The following ADH1B variants were observed in gnomAD, a reference collection of about 807,000 sequenced individuals.
ADH1B encodes alcohol dehydrogenase 1B (class I), beta polypeptide.
Under a neutral mutation model 34.6 loss-of-function variants are expected in ADH1B, and 29 were observed. That is an observed-to-expected ratio of 0.84 (90% confidence interval 0.62 to 1.14). The LOEUF (loss-of-function observed/expected upper bound fraction) is 1.14. ADH1B is among the 50% of genes most tolerant of loss of function. The pLI, the probability that ADH1B is intolerant of heterozygous loss-of-function variation, is 0.00. For synonymous variants in ADH1B, 170 were observed against 175.5 expected, an observed-to-expected ratio of 0.97 and a Z score of 0.25; for missense variants, 424 against 468.4, an observed-to-expected ratio of 0.91 and a Z score of 0.87.
chr4:99,305,592 T>TATATATATATAC lies in ADH1B; in HGVS notation c.*2247_*2248insGTATATATATAT, dbSNP rs1460098133. 3.9e-5 allele frequency: 4 copies of TATATATATATAC among 103,576 alleles called. No individual in the cohort carries two copies. Among genetic ancestry groups the TATATATATATAC allele is most frequent in the African/African-American group, 1.5e-4 (4 of 26,236 alleles). 6.4% of individuals were successfully genotyped at this position (103,576 alleles called of 1,614,324 possible). On this transcript the variant is annotated 3_prime_UTR_variant, in exon 9 of 9. Coordinates refer to ENST00000305046, the MANE Select transcript of ADH1B (RefSeq NM_000668.6). ...ATATATATATATATATATATATATA[T>TATATATATATAC]ATATATATATATATATACAATCACT...
intron 3 of ADH1B, chr4:99,316,601 G>A (rs553157916): frequency 9.6e-5 from 23 of 240,670 alleles, no homozygotes; most frequent in Non-Finnish European, 1.4e-4. Flanking sequence ...TTCTCCTGGA[G>A]GCTTTGCAAA....
Position 99,321,356 on chromosome 4 carries a change from C to A in ADH1B, c.-25G>T. On this transcript the variant is annotated 5_prime_UTR_variant, in exon 1 of 9. Coordinates refer to ENST00000305046, the MANE Select transcript of ADH1B (RefSeq NM_000668.6). The stretch of plus-strand genomic sequence containing the variant: ...TGTCGTTTCTGTCTTCTCTGCCCAC[C>A]AGCAGACTGTGAGTCTTTGTGGATT... 1 of 1,610,646 alleles carries A rather than the reference C, an allele frequency of 6.2e-7. No individual in the cohort carries two copies. Among genetic ancestry groups the A allele is most frequent in the Non-Finnish European group, 8.5e-7 (1 of 1,177,716 alleles).
chr4:99,315,815 T>G, intron 5 of ADH1B, 83 bp downstream of exon 5: 1 of 1,554,976 alleles, frequency 6.4e-7, no homozygotes, highest in Non-Finnish European at 8.8e-7. Flanking sequence ...AAAAATAATT[T>G]CTGATTCTTG....
chr4:99,318,568 C>G (rs28913914), intron 2 of ADH1B: 22 of 541,542 alleles, frequency 4.1e-5, no homozygotes, highest in African/African-American at 3.7e-4. Context: ...AACATAAATT[C>G]TTTTGTATTT....
chr4:99,312,458 G>T (rs28914773), intron 6 of ADH1B, among the ~76,000 whole-genome samples: 6,680 of 152,156 alleles, frequency 0.044, 480 homozygotes, highest in African/African-American at 0.15. Context: ...TTGATCTTAG[G>T]GTGCCACTCC....
At chr4:99,313,541 T>A (rs1733802622) in intron 6 of ADH1B, 3 of 425,768 alleles carry the variant, frequency 7.0e-6, no homozygotes, top group Non-Finnish European at 4.1e-6. Context: ...TTATATTTTT[T>A]AACTAAAAAT....
rs1733643085 is a variant in ADH1B, at chr4:99,307,616, A to G, written c.*224T>C. 4 of 600,856 alleles carry G rather than the reference A, an allele frequency of 6.7e-6. No homozygotes were observed. The South Asian group carries it at 8.2e-5, about 12-fold the overall frequency. The allele number at this position is 600,856 out of a possible 1,614,324, so 37.2% of individuals were successfully genotyped here. On this transcript the variant is annotated 3_prime_UTR_variant, in exon 9 of 9. Coordinates refer to ENST00000305046, the MANE Select transcript of ADH1B (RefSeq NM_000668.6). ...TAAGAAGGAAGGTTTGTTGGCTTCAATTCCCCAGCTGATGTTCAACACTTT... is the reference window on the plus strand; with the variant it reads ...TAAGAAGGAAGGTTTGTTGGCTTCAGTTCCCCAGCTGATGTTCAACACTTT...
chr4:99,305,014 G>T lies in ADH1B; in HGVS notation c.*2826C>A, dbSNP rs1367321040. 6.6e-6 allele frequency: 1 copy of T among 151,520 alleles called. No homozygotes were observed. Among genetic ancestry groups the T allele is most frequent in the Non-Finnish European group, 1.5e-5 (1 of 67,928 alleles). The allele number at this position is 151,520 out of a possible 1,614,324, so 9.4% of individuals were successfully genotyped here. A position where few individuals can be genotyped will look rare whatever the true frequency, so the allele number is the denominator to read the frequency against. On this transcript the variant is annotated 3_prime_UTR_variant, in exon 9 of 9. Transcript: ENST00000305046. ...TATTTTTTTTTTTGATCACACCAAGGCTCAGTGCCATTTAATATGCTATTT... is the reference window on the plus strand; with the variant it reads ...TATTTTTTTTTTTGATCACACCAAGTCTCAGTGCCATTTAATATGCTATTT...
chr4:99,316,383 AT>A, intron 3 of ADH1B, 81 bp from the exon 4 acceptor site: 1 of 1,356,708 alleles, frequency 7.4e-7, no homozygotes, highest in Non-Finnish European at 1.0e-6. Context: ...ACATGTATTG[AT>A]TAGAAGCATG....
At chr4:99,311,761 AG>A in intron 6 of ADH1B, 105 bp from the exon 7 acceptor site, 1 of 1,486,852 alleles carries the variant, frequency 6.7e-7, no homozygotes, top group Non-Finnish European at 9.1e-7. Context: ...GAGTGTGTAG[AG>A]GGAAGAGATC....
chr4:99,307,708 G>T lies in ADH1B; in HGVS notation c.*132C>A. 9.3e-7 allele frequency: 1 copy of T among 1,075,720 alleles called. No individual in the cohort carries two copies. 66.6% of individuals were successfully genotyped at this position (1,075,720 alleles called of 1,614,324 possible). ...TTTCCCATCAATTTCCATTTCTTTG[G>T]AAAGCCCCCATGTGTAATTTATTGA... On this transcript the variant is annotated 3_prime_UTR_variant, in exon 9 of 9. Transcript: ENST00000305046.
In ADH1B at chr4:99,306,467, C is replaced by G. The variant is rs1192047841; in HGVS notation, c.*1373G>C. On this transcript the variant is annotated 3_prime_UTR_variant, in exon 9 of 9. Coordinates refer to ENST00000305046, the MANE Select transcript of ADH1B (RefSeq NM_000668.6). ...TTTCAAAACAAAGGATGAACAAGCT[C>G]AGAGAGCCTGAGAGACTTACTGAAG... 6 of 152,150 alleles carry G rather than the reference C, an allele frequency of 3.9e-5. No individual in the cohort carries two copies. Among genetic ancestry groups the G allele is most frequent in the African/African-American group, 1.4e-4 (6 of 41,422 alleles). The allele number at this position is 152,150 out of a possible 1,614,324, so 9.4% of individuals were successfully genotyped here.
chr4:99,313,662 C>T (rs1733805264), intron 6 of ADH1B, 159 bp downstream of exon 6: 2 of 1,371,114 alleles, frequency 1.5e-6, no homozygotes, highest in Admixed American at 4.7e-5. Flanking sequence ...GAGAAGATTT[C>T]TCATAACAAA....
chr4:99,318,879 T>C lies in ADH1B; in HGVS notation c.26A>G (p.Lys9Arg). The C allele has an allele frequency of 6.2e-7, 1 of 1,613,716 alleles. No individual in the cohort carries two copies. The highest frequency in any genetic ancestry group is 8.5e-7 in the Non-Finnish European group (1 of 1,179,660). The part of the protein sequence containing the change: MSTAGKVI[K>R]CKAAVLWEVK... ...CTCCCATAGCACAGCTGCTTTGCAT[T>C]TGATTACCTAGAAAATCAAACAGAG... Residue 9 changes from lysine to arginine, a missense_variant, in exon 2 of 9, where the codon AAA (lysine) becomes AGA (arginine). Around this residue, in one of 3 missense-constraint regions of ADH1B, gnomAD observed 291 missense variants for 300.4 expected, o/e 0.97. Coordinates refer to ENST00000305046, the MANE Select transcript of ADH1B (RefSeq NM_000668.6).
chr4:99,310,478 T>C (rs953745933), intron 8 of ADH1B: 9 of 374,458 alleles, frequency 2.4e-5, no homozygotes, highest in African/African-American at 1.9e-4. Flanking sequence ...TTTGTGGGGT[T>C]TTTTTTGGGC....
chr4:99,315,837 T>G, intron 5 of ADH1B, 61 bp downstream of exon 5: 1 of 1,591,710 alleles, frequency 6.3e-7, no homozygotes, highest in Non-Finnish European at 8.6e-7. Context: ...AAGAAATTGC[T>G]TCCCTTTTGG....
chr4:99,315,817 T>C, intron 5 of ADH1B, 81 bp downstream of exon 5: 1 of 1,560,292 alleles, frequency 6.4e-7, no homozygotes, highest in South Asian at 1.1e-5. Flanking sequence ...AAATAATTTC[T>C]GATTCTTGCA....
rs1733754498 is a variant in ADH1B at position 99,311,562 on chromosome 4, A to G, written c.923T>C (p.Leu308Pro). 6.2e-7 allele frequency: 1 copy of G among 1,614,090 alleles called. No homozygotes were observed. The highest frequency in any genetic ancestry group is 8.5e-7 in the Non-Finnish European group (1 of 1,179,952). The stretch of plus-strand genomic sequence containing the variant: ...CTTCCAGGTGCGTCCAGTCAGTAGC[A>G]GCATAGGGTTTATTGAGAGGTTCTG... ...ASQNLSINPM[L>P]LLTGRTWKGA... Residue 308 changes from leucine (L) to proline (P), a missense_variant, in exon 7 of 9, where the codon CTG (leucine) becomes CCG (proline). Leu to Pro is a moderately conservative substitution (Grantham distance 98). This residue lies in a region of ADH1B where 130 missense variants were observed against 151.8 expected (regional missense o/e 0.86). Coordinates refer to ENST00000305046, the MANE Select transcript of ADH1B (RefSeq NM_000668.6).
rs1372793772 is a variant in ADH1B at position 99,316,267 on chromosome 4, C to CAA, written c.294_295insTT (p.Gly99LeufsTer16). On this transcript the variant is annotated frameshift_variant, in exon 4 of 9. Transcript: ENST00000305046. LOFTEE classifies it high-confidence loss of function. Reference sequence around the variant, plus strand: ...GGGTTTTTACAAACTCTGCATTTTCCACACTGAGGAGTAAAGAGCGGGATG... The same window carrying CAA: ...GGGTTTTTACAAACTCTGCATTTTCCAAACACTGAGGAGTAAAGAGCGGGATG... The CAA allele has an allele frequency of 6.2e-7, 1 of 1,614,182 alleles. No individual in the cohort carries two copies. Among genetic ancestry groups the CAA allele is most frequent in the Non-Finnish European group, 8.5e-7 (1 of 1,180,038 alleles).
Sources: allele counts gnomAD v4.1 joint callset (sites outside exome capture counted in the v4.1 genomes callset), GRCh38; gene constraint gnomAD v4.1.1; regional missense constraint gnomAD v4.1.1; transcripts MANE v1.5; gene names NCBI Gene and HGNC (gene_info 2026-07-23, HGNC 2026-07-21).